The following MDM2 variants were observed in gnomAD, a reference collection of about 807,000 sequenced individuals.
MDM2 encodes E3 ubiquitin-protein ligase Mdm2.
MDM2 carries 11 observed loss-of-function variants against 64.3 expected under a neutral mutation model. The observed-to-expected ratio is 0.17, with a 90% CI of 0.11 to 0.28. MDM2 has a LOEUF of 0.28. Ranked by LOEUF, MDM2 falls within the 10% of genes least tolerant of loss-of-function variation. The pLI is 1.00. For missense variants in MDM2, 388 were observed against 577.1 expected (o/e 0.67, Z 3.36); for synonymous variants, 194 against 192.9 (o/e 1.01, Z -0.05).
intron 3 of MDM2, among the ~76,000 whole-genome samples, chr12:68,816,467 G>A (rs1488149859): frequency 6.9e-5 from 10 of 145,170 alleles, no homozygotes; most frequent in African/African-American, 2.4e-4. Flanking sequence ...CCACCTCCTG[G>A]GTTCAAGCAA....
In MDM2 at chr12:68,842,614, CAT is replaced by C. The variant is rs35517148; in HGVS notation, c.*2767_*2768del. The C allele has an allele frequency of 0.054, 15,757 of 290,170 alleles. 2,350 individuals are homozygous for C. The highest frequency in any genetic ancestry group is 0.32 in the African/African-American group (14,688 of 46,574). The allele number at this position is 290,170 out of a possible 1,614,324, so 18.0% of individuals were successfully genotyped here. On this transcript the variant is annotated 3_prime_UTR_variant, in exon 11 of 11. Transcript: ENST00000258149. ...TGTAAATACAGAAGTGAAATGTGGA[CAT>C]AAAATAGTTACGCTATTTGGTTAAT...
intron 1 of MDM2, chr12:68,808,976 TGTCTCC>T: frequency 4.2e-6 from 6 of 1,418,502 alleles, no homozygotes; most frequent in Non-Finnish European, 5.5e-6. Context: ...AGTCCTGACT[TGTCTCC>T]AGCTGGGGCT....
At chr12:68,833,166 A>ATT (rs1383832355) in intron 8 of MDM2, among the ~76,000 whole-genome samples, 3 of 122,034 alleles carry the variant, frequency 2.5e-5, no homozygotes, top group African/African-American at 8.8e-5. Flanking sequence ...ATATATATAT[A>ATT]TTTATATTTA....
chr12:68,848,666 C>A (rs1592618595), downstream of MDM2: 1 of 152,132 alleles, frequency 6.6e-6, no homozygotes, highest in African/African-American at 2.4e-5. Flanking sequence ...ACATTTGTTT[C>A]TTTTTATAGG....
Position 68,842,396 on chromosome 12 carries a change from TTATC to T in MDM2, c.*2551_*2554del. On this transcript the variant is annotated 3_prime_UTR_variant, in exon 11 of 11. Coordinates refer to ENST00000258149, the MANE Select transcript of MDM2 (RefSeq NM_002392.6). The stretch of plus-strand genomic sequence containing the variant: ...TGGCAGAGGTTTCCTAAAAATCTCA[TTATC>T]TATAACCATTTCTATATTTACATTT... 4.1e-6 allele frequency: 2 copies of T among 492,078 alleles called. No individual in the cohort carries two copies. The highest frequency in any genetic ancestry group is 4.6e-5 in the Admixed American group (2 of 43,230). 30.5% of individuals were successfully genotyped at this position (492,078 alleles called of 1,614,324 possible).
rs1217492759 is a variant in MDM2, at chr12:68,808,628, C to T, written c.14+137C>T. 2.3e-6 allele frequency: 3 copies of T among 1,289,500 alleles called. No homozygotes were observed. The East Asian group carries it at 7.8e-5, about 34-fold the overall frequency. 79.9% of individuals were successfully genotyped at this position (1,289,500 alleles called of 1,614,324 possible). On this transcript the variant is annotated intron_variant, in intron 1 of 10. Coordinates refer to ENST00000258149, the MANE Select transcript of MDM2 (RefSeq NM_002392.6). ...GGGGCTCGGGGCGCGGGGCGCGGGG[C>T]ATGGGGCACGTGGCTTTGCGGAGGT...
chr12:68,844,822 A>C lies in MDM2; in HGVS notation c.*4973A>C, dbSNP rs1168212434. 5.0e-6 allele frequency: 1 copy of C among 201,308 alleles called. No individual in the cohort carries two copies. Among genetic ancestry groups the C allele is most frequent in the Non-Finnish European group, 1.0e-5 (1 of 97,866 alleles). 12.5% of individuals were successfully genotyped at this position (201,308 alleles called of 1,614,324 possible). A position where few individuals can be genotyped will look rare whatever the true frequency, so the allele number is the denominator to read the frequency against. ...TGCTCTGTGGCTCAGGCTGGAGTAC[A>C]GTGGTGCAATCTTGGCTCACTGCAA... On this transcript the variant is annotated 3_prime_UTR_variant, in exon 11 of 11. Transcript: ENST00000258149.
chr12:68,833,193 A>G, intron 8 of MDM2, among the ~76,000 whole-genome samples: 1 of 130,378 alleles, frequency 7.7e-6, no homozygotes, highest in South Asian at 2.2e-4. Flanking sequence ...GTATAAATAT[A>G]TAATATATAA....
rs1187457062 is a variant in MDM2, at chr12:68,842,679, T to G, written c.*2830T>G. ...CATGTAATTAATGACATTCAAAAAT[T>G]TATGGCTAGTGATATATATAAAGTA... On this transcript the variant is annotated 3_prime_UTR_variant, in exon 11 of 11. Coordinates refer to ENST00000258149, the MANE Select transcript of MDM2 (RefSeq NM_002392.6). 1 of 209,026 alleles carries G rather than the reference T, an allele frequency of 4.8e-6. No homozygotes were observed. Among genetic ancestry groups the G allele is most frequent in the African/African-American group, 2.3e-5 (1 of 43,478 alleles). 12.9% of individuals were successfully genotyped at this position (209,026 alleles called of 1,614,324 possible).
intron 10 of MDM2, among the ~76,000 whole-genome samples, chr12:68,837,886 T>C (rs1022139567): frequency 6.6e-6 from 1 of 152,162 alleles, no homozygotes; most frequent in Non-Finnish European, 1.5e-5. Flanking sequence ...TTACTAATTA[T>C]TCAAGTGCAA....
At chr12:68,839,136 A>G in intron 10 of MDM2, 138 bp from the exon 11 acceptor site, 2 of 727,418 alleles carry the variant, frequency 2.7e-6, no homozygotes, top group Non-Finnish European at 4.4e-6. Context: ...TACAGTGACT[A>G]TTTTATATAA....
chr12:68,813,774 T>G (rs1330442838), intron 3 of MDM2, 146 bp downstream of exon 3: 3 of 594,666 alleles, frequency 5.0e-6, no homozygotes, highest in Non-Finnish European at 8.8e-6. Context: ...TGGACTATAT[T>G]TTAAAGCTGA....
At position 68,842,340 on chromosome 12, in the gene MDM2, A is replaced by C; in HGVS notation, c.*2491A>C. On this transcript the variant is annotated 3_prime_UTR_variant, in exon 11 of 11. Coordinates refer to ENST00000258149, the MANE Select transcript of MDM2 (RefSeq NM_002392.6). ...GGCAAAGGAACGCAGCTGGAAGAAA[A>C]GATGATATAACAGTTAACAGGATGC... is the stretch of plus-strand genomic sequence containing the variant. 1 of 495,990 alleles carries C rather than the reference A, an allele frequency of 2.0e-6. No homozygotes were observed. Among genetic ancestry groups the C allele is most frequent in the African/African-American group, 1.9e-5 (1 of 51,786 alleles). The allele number at this position is 495,990 out of a possible 1,614,324, so 30.7% of individuals were successfully genotyped here. A position where few individuals can be genotyped will look rare whatever the true frequency, so the allele number is the denominator to read the frequency against.
At chr12:68,836,522 C>T (rs2136170521) in intron 9 of MDM2, 150 bp from the exon 10 acceptor site, 3 of 563,874 alleles carry the variant, frequency 5.3e-6, no homozygotes, top group East Asian at 3.0e-5. Context: ...CCATTTTTTC[C>T]CCCTTTACAC....
In MDM2 at chr12:68,843,435, C is replaced by T. The variant is rs754946844; in HGVS notation, c.*3586C>T. 5 of 229,616 alleles carry T rather than the reference C, an allele frequency of 2.2e-5. 1 individual carries two copies. Among genetic ancestry groups the T allele is most frequent in the African/African-American group, 6.6e-5 (3 of 45,218 alleles). 14.2% of individuals were successfully genotyped at this position (229,616 alleles called of 1,614,324 possible). On this transcript the variant is annotated 3_prime_UTR_variant, in exon 11 of 11. Coordinates refer to ENST00000258149, the MANE Select transcript of MDM2 (RefSeq NM_002392.6). ...CCCATTGTATGTGAAACAGTACATA[C>T]ACCATATTTACAATTATGTATTTAA...
rs934593526 is a variant in MDM2, at chr12:68,844,872, G to C, written c.*5023G>C. On this transcript the variant is annotated 3_prime_UTR_variant, in exon 11 of 11. Transcript: ENST00000258149. ...ACCTCTGCCTCCTGGCTGTGTTCAAGTGGTTCTGCTTCAGCCTCCCAAGTA... is the reference window on the plus strand; with the variant it reads ...ACCTCTGCCTCCTGGCTGTGTTCAACTGGTTCTGCTTCAGCCTCCCAAGTA... 9.9e-6 allele frequency: 2 copies of C among 202,186 alleles called. No individual in the cohort carries two copies. Among genetic ancestry groups the C allele is most frequent in the Admixed American group, 1.2e-4 (2 of 16,620 alleles). The allele number at this position is 202,186 out of a possible 1,614,324, so 12.5% of individuals were successfully genotyped here.
intron 1 of MDM2, chr12:68,808,964 T>G (rs1880612002): frequency 7.1e-6 from 10 of 1,402,820 alleles, no homozygotes; most frequent in East Asian, 5.2e-5. Flanking sequence ...TAAAAGGAGT[T>G]AAGTCCTGAC....
intron 8 of MDM2, among the ~76,000 whole-genome samples, chr12:68,833,168 T>TATATATATATATATATA (rs1592594760): frequency 8.6e-6 from 1 of 116,248 alleles, no homozygotes; most frequent in African/African-American, 3.1e-5. Flanking sequence ...ATATATATAT[T>TATATATATATATATATA]TATATTTAAA....
chr12:68,818,091 G>A (rs1452518709), intron 4 of MDM2, among the ~76,000 whole-genome samples: 1 of 152,254 alleles, frequency 6.6e-6, no homozygotes, highest in South Asian at 2.1e-4. Context: ...ACCACACCCG[G>A]CCTACATTTG....
Sources: allele counts gnomAD v4.1 joint callset (sites outside exome capture counted in the v4.1 genomes callset), GRCh38; gene constraint gnomAD v4.1.1; transcripts MANE v1.5; gene names NCBI Gene and HGNC (gene_info 2026-07-23, HGNC 2026-07-21).